The following PILRA variants were observed in gnomAD, a reference collection of about 807,000 sequenced individuals.
PILRA encodes paired immunoglobin like type 2 receptor alpha.
Under a neutral mutation model 33.1 loss-of-function variants are expected in PILRA, and 37 were observed. The ratio of observed to expected loss-of-function variants is 1.12; its 90% confidence interval spans 0.86 to 1.47. PILRA has a LOEUF of 1.47. Ranked by LOEUF, PILRA falls within the 40% of genes most tolerant of loss-of-function variation. PILRA has a pLI of 0.00. For synonymous variants in PILRA, 146 were observed against 149.9 expected, an observed-to-expected ratio of 0.97 and a Z score of 0.19; for missense variants, 312 against 376.2, an observed-to-expected ratio of 0.83 and a Z score of 1.41.
At position 100,374,369 on chromosome 7, in the gene PILRA, C is replaced by T; in HGVS notation, c.390C>T (p.Asp130=). 1 of 1,614,106 alleles carries T rather than the reference C, an allele frequency of 6.2e-7. No homozygotes were observed. Among genetic ancestry groups the T allele is most frequent in the Admixed American group, 1.7e-5 (1 of 60,020 alleles). The change falls in exon 2 of 7, where the codon GAC becomes GAT. Residue 130 remains aspartate, a synonymous_variant. Transcript: ENST00000198536. Reference sequence around the variant, plus strand: ...TGTATTTCTGCCGAGTTGAGCTGGACACACGGAGCTCAGGGAGGCAGCAGT... The same window carrying T: ...TGTATTTCTGCCGAGTTGAGCTGGATACACGGAGCTCAGGGAGGCAGCAGT... The part of the protein sequence containing the change: ...QSVYFCRVEL[D]TRSSGRQQWQ...
chr7:100,383,468 A>G (rs1324303670), intron 2 of PILRA, among the ~76,000 whole-genome samples: 1 of 152,174 alleles, frequency 6.6e-6, no homozygotes, highest in Non-Finnish European at 1.5e-5. Context: ...TGTTCCAGTC[A>G]CATGGGACAA....
intron 2 of PILRA, among the ~76,000 whole-genome samples, chr7:100,382,059 C>G (rs1015808194): frequency 7.0e-6 from 1 of 142,070 alleles, no homozygotes; most frequent in South Asian, 2.4e-4. Context: ...CCACGAGGAG[C>G]GCCGCCCCCT....
chr7:100,383,005 A>G (rs1488556328), intron 2 of PILRA, among the ~76,000 whole-genome samples: 1 of 152,218 alleles, frequency 6.6e-6, no homozygotes, highest in African/African-American at 2.4e-5. Flanking sequence ...AAATGGATCA[A>G]TTCTGTTTGT....
chr7:100,375,695 G>A (rs932581700), intron 2 of PILRA, among the ~76,000 whole-genome samples: 15 of 152,164 alleles, frequency 9.9e-5, no homozygotes, highest in Non-Finnish European at 5.9e-5. Flanking sequence ...TCGAGCAACT[G>A]CACTCCAGCC....
chr7:100,376,260 C>T (rs1438066367), intron 2 of PILRA: 1 of 152,064 alleles, frequency 6.6e-6, no homozygotes, highest in Non-Finnish European at 1.5e-5. Context: ...CTTTGATTTC[C>T]TACATATTTC....
chr7:100,399,441 C>A, intron 5 of PILRA, 101 bp downstream of exon 5: 1 of 1,366,552 alleles, frequency 7.3e-7, no homozygotes. Context: ...GTATTTTCTT[C>A]TTTCCATTCC....
upstream of PILRA, chr7:100,373,319 G>A (rs1790860268): frequency 3.9e-6 from 2 of 513,996 alleles, no homozygotes; most frequent in Non-Finnish European, 7.0e-6. Flanking sequence ...CCAGGTGGGA[G>A]GGGCCCAGCC....
intron 2 of PILRA, among the ~76,000 whole-genome samples, chr7:100,377,202 T>C (rs1433976672): frequency 6.6e-6 from 1 of 151,808 alleles, no homozygotes; most frequent in Non-Finnish European, 1.5e-5. Context: ...CCAAACCTAA[T>C]TGTGTTCTTC....
At chr7:100,390,212 C>A in intron 3 of PILRA, 106 bp downstream of exon 3, 2 of 1,003,436 alleles carry the variant, frequency 2.0e-6, no homozygotes, top group East Asian at 2.5e-5. Context: ...TGCTGGCTCC[C>A]CTCAAGCCCA....
At chr7:100,377,785 A>G (rs571421894) in intron 2 of PILRA, among the ~76,000 whole-genome samples, 1 of 152,280 alleles carries the variant, frequency 6.6e-6, no homozygotes, top group Admixed American at 6.5e-5. Context: ...TTATTTTGGT[A>G]TATGGCATAA....
chr7:100,373,598 C>T lies in PILRA; in HGVS notation c.-59C>T, dbSNP rs1326031192. ...ACCCCCAGGCGGCCCCTCCACAGGG[C>T]CCCTCTCCTGCCTGGACGGCTCTGC... On this transcript the variant is annotated 5_prime_UTR_variant, in exon 1 of 7. Transcript: ENST00000198536. 1 of 1,601,592 alleles carries T rather than the reference C, an allele frequency of 6.2e-7. No individual in the cohort carries two copies. The highest frequency in any genetic ancestry group is 8.5e-7 in the Non-Finnish European group (1 of 1,171,070).
upstream of PILRA, chr7:100,373,432 G>C (rs761074065): frequency 2.3e-4 from 141 of 605,162 alleles, no homozygotes; most frequent in Non-Finnish European, 3.8e-4. Flanking sequence ...GACCACAAGG[G>C]AGGCCCTTTT....
chr7:100,385,877 C>G (rs1037942857), intron 2 of PILRA, among the ~76,000 whole-genome samples: 1 of 152,074 alleles, frequency 6.6e-6, no homozygotes, highest in Non-Finnish European at 1.5e-5. Flanking sequence ...GACCCACCCA[C>G]CTCAGCCTCC....
At chr7:100,377,043 A>T in intron 2 of PILRA, among the ~76,000 whole-genome samples, 1 of 151,692 alleles carries the variant, frequency 6.6e-6, no homozygotes, top group East Asian at 2.0e-4. Context: ...GGATACAGGC[A>T]TGAGCCACTG....
chr7:100,399,347 C>T lies in PILRA; in HGVS notation c.757+7C>T, dbSNP rs1791588459. ...GAGAATATCAGGAATGAAGGTGAGT[C>T]CTTACCACCATCCTTCCCCAGTTTC... On this transcript the variant is annotated splice_region_variant and intron_variant, in intron 5 of 6. Transcript: ENST00000198536. 1.2e-6 allele frequency: 2 copies of T among 1,609,712 alleles called. No homozygotes were observed. The highest frequency in any genetic ancestry group is 3.3e-5 in the Admixed American group (2 of 59,934).
intron 2 of PILRA, among the ~76,000 whole-genome samples, chr7:100,380,605 GGGCAACATAGCAAGAATCT>G (rs1202301290): frequency 6.6e-6 from 1 of 152,126 alleles, no homozygotes; most frequent in Non-Finnish European, 1.5e-5. Context: ...AGACCAGCCT[GGGCAACATAGCAAGAATCT>G]GGCAACATAG....
chr7:100,393,045 C>T (rs547067417), intron 3 of PILRA, among the ~76,000 whole-genome samples: 2 of 152,188 alleles, frequency 1.3e-5, no homozygotes, highest in Non-Finnish European at 2.9e-5. Flanking sequence ...TTTGGGAGGC[C>T]GAGGTGGGCA....
At chr7:100,397,819 G>A in intron 3 of PILRA, 60 bp from the exon 4 acceptor site, 1 of 1,561,368 alleles carries the variant, frequency 6.4e-7, no homozygotes, top group Non-Finnish European at 8.8e-7. Context: ...AGCAGAGAAG[G>A]TGGGATGGAG....
Position 100,389,878 on chromosome 7 carries a change from C to T in PILRA, c.455-10C>T, listed in dbSNP as rs1791344313. The stretch of plus-strand genomic sequence containing the variant: ...AGGGGAGGGTCTGCTCATTCCTCAT[C>T]TCTCCCCAGCTGTCACGACCACCAC... On this transcript the variant is annotated splice_polypyrimidine_tract_variant and intron_variant, in intron 2 of 6. Coordinates refer to ENST00000198536, the MANE Select transcript of PILRA (RefSeq NM_013439.3). 17 of 1,612,550 alleles carry T rather than the reference C, an allele frequency of 1.1e-5. No individual in the cohort carries two copies. Among genetic ancestry groups the T allele is most frequent in the Non-Finnish European group, 1.4e-5 (16 of 1,178,950 alleles).
Sources: allele counts gnomAD v4.1 joint callset (sites outside exome capture counted in the v4.1 genomes callset), GRCh38; gene constraint gnomAD v4.1.1; transcripts MANE v1.5; gene names NCBI Gene and HGNC (gene_info 2026-07-23, HGNC 2026-07-21).